The following RSU1 variants were observed in gnomAD, a reference collection of about 807,000 sequenced individuals.
The protein encoded by RSU1 is Ras suppressor protein 1.
RSU1 carries 26 observed loss-of-function variants against 31.1 expected under a neutral mutation model. The ratio of observed to expected loss-of-function variants is 0.84; its 90% CI spans 0.61 to 1.16. The LOEUF (loss-of-function observed/expected upper bound fraction) is 1.16. Ranked by LOEUF, RSU1 falls within the 50% of genes most tolerant of loss-of-function variation. RSU1 has a pLI of 0.00. For synonymous variants in RSU1, 164 were observed against 136.3 expected (o/e 1.20, Z -1.41); for missense variants, 320 against 339.1 (o/e 0.94, Z 0.44).
At chr10:16,776,196 G>A (rs1386525014) in intron 3 of RSU1, among the ~76,000 whole-genome samples, 1 of 152,156 alleles carries the variant, frequency 6.6e-6, no homozygotes, top group Non-Finnish European at 1.5e-5. Flanking sequence ...AGGTTTCAAT[G>A]TATTATGCTT....
At chr10:16,668,228 G>A (rs1588703949) in intron 8 of RSU1, among the ~76,000 whole-genome samples, 1 of 152,288 alleles carries the variant, frequency 6.6e-6, no homozygotes, top group East Asian at 1.9e-4. Flanking sequence ...ATTAGATGAG[G>A]TTGTTTTCTG....
chr10:16,814,451 G>GAAAAAA (rs369214166), intron 2 of RSU1, among the ~76,000 whole-genome samples: 4 of 121,202 alleles, frequency 3.3e-5, no homozygotes, highest in Non-Finnish European at 4.8e-5. Flanking sequence ...CTGTTTTCAG[G>GAAAAAA]AAAAAAAAAA....
chr10:16,743,135 G>A (rs1213752000), intron 7 of RSU1, among the ~76,000 whole-genome samples: 5 of 152,026 alleles, frequency 3.3e-5, no homozygotes, highest in Non-Finnish European at 7.4e-5. Flanking sequence ...TTCAAAGTTG[G>A]GTACAAATAT....
intron 2 of RSU1, among the ~76,000 whole-genome samples, chr10:16,805,877 T>C (rs987482574): frequency 3.3e-5 from 5 of 152,008 alleles, no homozygotes; most frequent in African/African-American, 1.2e-4. Flanking sequence ...GAGGTCAAGA[T>C]GAGGACTAGA....
intron 2 of RSU1, among the ~76,000 whole-genome samples, chr10:16,815,205 C>A (rs1372817623): frequency 1.3e-5 from 2 of 152,224 alleles, no homozygotes; most frequent in African/African-American, 2.4e-5. Context: ...AGGACCCTTA[C>A]GGAATGCAAG....
At chr10:16,793,355 A>G (rs1476291888) in intron 2 of RSU1, among the ~76,000 whole-genome samples, 1 of 152,118 alleles carries the variant, frequency 6.6e-6, no homozygotes, top group African/African-American at 2.4e-5. Context: ...TTGAACATAA[A>G]TGACAACTGA....
intron 3 of RSU1, among the ~76,000 whole-genome samples, chr10:16,778,274 G>A (rs1365065403): frequency 6.6e-6 from 1 of 152,052 alleles, no homozygotes; most frequent in Non-Finnish European, 1.5e-5. Flanking sequence ...CAACGAGTAA[G>A]AAACAGAAGT....
intron 8 of RSU1, among the ~76,000 whole-genome samples, chr10:16,660,217 G>A (rs1263020070): frequency 6.6e-6 from 1 of 152,212 alleles, no homozygotes; most frequent in Non-Finnish European, 1.5e-5. Context: ...GGCTTCCGAA[G>A]CTCAGGTGTC....
intron 8 of RSU1, among the ~76,000 whole-genome samples, chr10:16,692,138 C>T (rs1269328730): frequency 2.6e-5 from 4 of 152,156 alleles, no homozygotes; most frequent in African/African-American, 7.2e-5. Flanking sequence ...AAAAAGTTAG[C>T]AGACACATTG....
chr10:16,801,449 G>A lies in RSU1; in HGVS notation c.109+15524C>T, dbSNP rs1184394296. 5.9e-5 allele frequency among the ~76,000 whole-genome samples: 9 copies of A among 152,116 alleles called. No individual in the cohort carries two copies. In the East Asian group the frequency reaches 1.7e-3, roughly 29 times the overall value. On this transcript the variant is annotated intron_variant, in intron 2 of 8. Coordinates refer to ENST00000345264, the MANE Select transcript of RSU1 (RefSeq NM_012425.4). ...CAAATCCGCTATTATACTTGGAGAC[G>A]TCAAGACTCCACTCTATCAGTAATT...
At chr10:16,757,876 T>C (rs1837130963) in intron 4 of RSU1, among the ~76,000 whole-genome samples, 1 of 152,194 alleles carries the variant, frequency 6.6e-6, no homozygotes, top group Non-Finnish European at 1.5e-5. Context: ...TTCCTTAACA[T>C]TTTTCTCTGC....
intron 7 of RSU1, among the ~76,000 whole-genome samples, chr10:16,708,666 T>A (rs1835955023): frequency 6.6e-6 from 1 of 152,198 alleles, no homozygotes; most frequent in Non-Finnish European, 1.5e-5. Flanking sequence ...TAGATTATTT[T>A]AGGTAATATG....
chr10:16,761,218 T>C lies in RSU1; in HGVS notation c.281+3172A>G, dbSNP rs149563828. Among the ~76,000 whole-genome samples the C allele has an allele frequency of 3.7e-3, 564 of 152,328 alleles. 3 individuals carry two copies. The highest frequency in any genetic ancestry group is 0.013 in the African/African-American group (541 of 41,590). ...TCAGCCTCTCAAACTTCTGGAACTA[T>C]AGCTATGAGCCACCACGCCCGAGAG... On this transcript the variant is annotated intron_variant, in intron 4 of 8. Coordinates refer to ENST00000345264, the MANE Select transcript of RSU1 (RefSeq NM_012425.4).
intron 8 of RSU1, among the ~76,000 whole-genome samples, chr10:16,691,583 T>C (rs1259265642): frequency 1.3e-5 from 2 of 152,074 alleles, no homozygotes; most frequent in African/African-American, 4.8e-5. Flanking sequence ...AGCAGGCCCC[T>C]GCCCTAGCAT....
intron 2 of RSU1, among the ~76,000 whole-genome samples, chr10:16,801,376 G>A (rs936600628): frequency 7.2e-5 from 11 of 152,090 alleles, no homozygotes; most frequent in Admixed American, 3.3e-4. Context: ...TAACAACAGC[G>A]TCAAAATATG....
chr10:16,667,730 T>C (rs1242250423), intron 8 of RSU1, among the ~76,000 whole-genome samples: 1 of 152,120 alleles, frequency 6.6e-6, no homozygotes, highest in African/African-American at 2.4e-5. Flanking sequence ...TCAGGTGATC[T>C]GCCCACCTTG....
intron 7 of RSU1, among the ~76,000 whole-genome samples, chr10:16,742,156 G>C (rs1010068062): frequency 2.6e-5 from 4 of 152,128 alleles, no homozygotes; most frequent in African/African-American, 9.7e-5. Flanking sequence ...ATGAGCATAA[G>C]CTTATTTACT....
chr10:16,695,783 T>C (rs1007523844), intron 7 of RSU1, among the ~76,000 whole-genome samples: 3 of 152,272 alleles, frequency 2.0e-5, no homozygotes, highest in Admixed American at 1.3e-4. Context: ...GGTGAAGAAA[T>C]GGAAACTTAA....
At chr10:16,770,902 C>T (rs1490115408) in intron 3 of RSU1, among the ~76,000 whole-genome samples, 1 of 143,036 alleles carries the variant, frequency 7.0e-6, no homozygotes, top group Non-Finnish European at 1.5e-5. Context: ...TAGAATGAGT[C>T]ACAGCAAAAT....
Sources: gnomAD v4.1 joint callset for allele counts (sites outside exome capture counted in the v4.1 genomes callset) on GRCh38, gnomAD v4.1.1 for gene constraint, MANE v1.5 for transcripts, NCBI Gene and HGNC (gene_info 2026-07-23, HGNC 2026-07-21) for gene names.